RAB6B: variants seen among roughly 807,000 people sequenced by gnomAD.
RAB6B encodes RAB6B, member RAS oncogene family.
Under a neutral mutation model 31.2 loss-of-function variants are expected in RAB6B, and 7 were observed. The observed-to-expected ratio is 0.22, with a 90% CI of 0.13 to 0.42. RAB6B has a LOEUF of 0.42. Ranked by LOEUF, RAB6B falls within the 10% of genes least tolerant of loss-of-function variation. The probability of loss-of-function intolerance (pLI) is 1.00; values close to 1 mark genes in which losing one functional copy is unlikely to be tolerated. For missense variants in RAB6B, 149 were observed against 280.6 expected (o/e 0.53, Z 3.35); for synonymous variants, 105 against 104.9 (o/e 1.00, Z -0.01).
At chr3:133,883,612 CCT>C (rs1392128300) in intron 1 of RAB6B, among the ~76,000 whole-genome samples, 3 of 152,182 alleles carry the variant, frequency 2.0e-5, no homozygotes, top group Admixed American at 6.5e-5. Flanking sequence ...CCTTGCTTCC[CCT>C]GTTTGCCCTC....
chr3:133,864,329 AG>A (rs1936205909), intron 2 of RAB6B, among the ~76,000 whole-genome samples: 1 of 152,218 alleles, frequency 6.6e-6, no homozygotes, highest in South Asian at 2.1e-4. Flanking sequence ...TCTGCCTGTG[AG>A]GAACAAGAGA....
chr3:133,839,591 T>TA lies in RAB6B; in HGVS notation c.315dup (p.Lys106Ter). On this transcript the variant is annotated frameshift_variant, in exon 5 of 8. Transcript: ENST00000285208. LOFTEE classifies it high-confidence loss of function. ...TCTGTCCTGACGTCGTCGATCCACT[T>TA]AGAGGTCTGTTGGAAGGAGTTGAGA... The TA allele has an allele frequency of 6.2e-7, 1 of 1,614,020 alleles. No individual in the cohort carries two copies. The highest frequency in any genetic ancestry group is 8.5e-7 in the Non-Finnish European group (1 of 1,179,880).
In RAB6B at chr3:133,838,262, A is replaced by T. The variant is rs752961421; in HGVS notation, c.402-3T>A. 21 of 1,613,186 alleles carry T rather than the reference A, an allele frequency of 1.3e-5. No homozygotes were observed. The highest frequency in any genetic ancestry group is 1.8e-5 in the Non-Finnish European group (21 of 1,179,248). On this transcript the variant is annotated splice_region_variant and splice_polypyrimidine_tract_variant and intron_variant, in intron 5 of 7. Transcript: ENST00000285208. ...CCCCCTCCTCGATGGTTATCTGCCT[A>T]GAGATGAGGGGAAGGGGGGAAATCA...
At chr3:133,886,715 GA>G (rs1258565128) in intron 1 of RAB6B, among the ~76,000 whole-genome samples, 1 of 152,196 alleles carries the variant, frequency 6.6e-6, no homozygotes, top group African/African-American at 2.4e-5. Flanking sequence ...TCACAATACA[GA>G]AATGATCAAT....
intron 1 of RAB6B, among the ~76,000 whole-genome samples, chr3:133,891,925 C>T (rs887766661): frequency 3.3e-5 from 5 of 151,560 alleles, no homozygotes; most frequent in Admixed American, 6.6e-5. Flanking sequence ...AGTCTTCCTG[C>T]TTTTGCTGGA....
At position 133,828,750 on chromosome 3, in the gene RAB6B, G is replaced by A. The variant is rs754852978; in HGVS notation, c.*38C>T. The A allele has an allele frequency of 6.4e-7, 1 of 1,556,556 alleles. No homozygotes were observed. The highest frequency in any genetic ancestry group is 1.1e-5 in the South Asian group (1 of 89,864). On this transcript the variant is annotated 3_prime_UTR_variant, in exon 8 of 8. Coordinates refer to ENST00000285208, the MANE Select transcript of RAB6B (RefSeq NM_016577.4). ...TAGCCAATAGGAAGCAACACAACAA[G>A]CAAGGAGTGTCATGGGAAGCCACAG... is the stretch of plus-strand genomic sequence containing the variant.
rs141140189 is a variant in RAB6B at position 133,826,317 on chromosome 3, G to A, written c.*2471C>T. 96 of 152,380 alleles carry A rather than the reference G, an allele frequency of 6.3e-4. No individual in the cohort carries two copies. The highest frequency in any genetic ancestry group is 2.2e-3 in the African/African-American group (93 of 41,574). 9.4% of individuals were successfully genotyped at this position (152,380 alleles called of 1,614,324 possible). A position where few individuals can be genotyped will look rare whatever the true frequency, so the allele number is the denominator to read the frequency against. ...ATCTTTTACTGCTCCTCTAGGCCAG[G>A]ATGGAAACACAGTCCACGGTGCCTT... On this transcript the variant is annotated 3_prime_UTR_variant, in exon 8 of 8. Coordinates refer to ENST00000285208, the MANE Select transcript of RAB6B (RefSeq NM_016577.4).
intron 2 of RAB6B, among the ~76,000 whole-genome samples, chr3:133,852,360 T>C (rs1172992209): frequency 2.0e-5 from 3 of 152,190 alleles, no homozygotes; most frequent in Non-Finnish European, 2.9e-5. Context: ...CAAATCATCA[T>C]GTGAGGAAAG....
rs536858692 is a variant in RAB6B at position 133,828,710 on chromosome 3, C to G, written c.*78G>C. The stretch of plus-strand genomic sequence containing the variant: ...TCCCATCTTGATAACTCGGTTCCCT[C>G]CCCCCTTAGGAAGCTAGCCAATAGG... On this transcript the variant is annotated 3_prime_UTR_variant, in exon 8 of 8. Coordinates refer to ENST00000285208, the MANE Select transcript of RAB6B (RefSeq NM_016577.4). The G allele has an allele frequency of 3.1e-5, 42 of 1,369,118 alleles. No individual in the cohort carries two copies. In the African/African-American group the frequency reaches 5.5e-4, roughly 18 times the overall value. The allele number at this position is 1,369,118 out of a possible 1,614,324, so 84.8% of individuals were successfully genotyped here. A position where few individuals can be genotyped will look rare whatever the true frequency, so the allele number is the denominator to read the frequency against.
chr3:133,825,100 G>C lies in RAB6B; in HGVS notation c.*3688C>G, dbSNP rs1369249140. ...ACAATCTGCTCGGTTGATGCACACA[G>C]ACATCCTTCTGTTCAGCTGCCCCTC... is the stretch of plus-strand genomic sequence containing the variant. On this transcript the variant is annotated 3_prime_UTR_variant, in exon 8 of 8. Transcript: ENST00000285208. 1 of 152,160 alleles carries C rather than the reference G, an allele frequency of 6.6e-6. No individual in the cohort carries two copies. The highest frequency in any genetic ancestry group is 1.9e-4 in the East Asian group (1 of 5,190). The allele number at this position is 152,160 out of a possible 1,614,324, so 9.4% of individuals were successfully genotyped here.
chr3:133,868,836 T>C (rs1213305144), intron 1 of RAB6B, among the ~76,000 whole-genome samples: 3 of 152,114 alleles, frequency 2.0e-5, no homozygotes, highest in Non-Finnish European at 1.5e-5. Flanking sequence ...AGATGAGAAT[T>C]TGGCACTTTA....
At chr3:133,831,262 T>C (rs1479115312) in intron 7 of RAB6B, among the ~76,000 whole-genome samples, 1 of 152,204 alleles carries the variant, frequency 6.6e-6, no homozygotes, top group Non-Finnish European at 1.5e-5. Context: ...ACAAGTTCTT[T>C]GGAGAGTCCC....
chr3:133,859,239 G>A (rs142851093), intron 2 of RAB6B, among the ~76,000 whole-genome samples: 1,743 of 152,218 alleles, frequency 0.011, 30 homozygotes, highest in African/African-American at 0.04. Context: ...TTGGCCTCCC[G>A]AAGTGCTGGG....
chr3:133,858,654 C>T (rs1936115894), intron 2 of RAB6B, among the ~76,000 whole-genome samples: 1 of 152,206 alleles, frequency 6.6e-6, no homozygotes, highest in Non-Finnish European at 1.5e-5. Flanking sequence ...TGTAGAGACC[C>T]TATCTTTATC....
At chr3:133,891,071 C>T (rs1936631766) in intron 1 of RAB6B, among the ~76,000 whole-genome samples, 6 of 152,158 alleles carry the variant, frequency 3.9e-5, no homozygotes, top group Admixed American at 3.9e-4. Flanking sequence ...GCACATCTAC[C>T]AGGCTGATGA....
chr3:133,867,909 C>G (rs1312009855), intron 1 of RAB6B, among the ~76,000 whole-genome samples: 1 of 152,188 alleles, frequency 6.6e-6, no homozygotes, highest in Non-Finnish European at 1.5e-5. Flanking sequence ...GGAGCTGAAG[C>G]CTTCTTCCCC....
intron 2 of RAB6B, among the ~76,000 whole-genome samples, chr3:133,854,438 C>T (rs1936046522): frequency 6.6e-6 from 1 of 152,214 alleles, no homozygotes; most frequent in African/African-American, 2.4e-5. Context: ...GCCAGCCAGT[C>T]CACGATCCCT....
chr3:133,861,965 C>G (rs1325462742), intron 2 of RAB6B, among the ~76,000 whole-genome samples: 2 of 152,168 alleles, frequency 1.3e-5, no homozygotes, highest in South Asian at 4.1e-4. Context: ...TCGAATGCCT[C>G]TGCCACCATG....
intron 2 of RAB6B, among the ~76,000 whole-genome samples, chr3:133,852,061 C>T (rs1487678491): frequency 2.6e-5 from 4 of 152,256 alleles, no homozygotes; most frequent in Non-Finnish European, 5.9e-5. Flanking sequence ...AGGGAATGAG[C>T]GTGGTCCAGG....
Sources: gnomAD v4.1 joint callset for allele counts (sites outside exome capture counted in the v4.1 genomes callset) on GRCh38, gnomAD v4.1.1 for gene constraint, MANE v1.5 for transcripts, NCBI Gene and HGNC (gene_info 2026-07-23, HGNC 2026-07-21) for gene names.